Variants in GNAL observed in about 807,000 individuals in gnomAD.
The protein encoded by GNAL is G protein subunit alpha L.
GNAL carries 18 observed loss-of-function variants against 55.1 expected under a neutral mutation model. The observed-to-expected ratio is 0.33, with a 90% CI of 0.23 to 0.48. GNAL has a LOEUF of 0.48. Ranked by LOEUF, GNAL falls within the 20% of genes least tolerant of loss-of-function variation. The pLI is 0.99. For missense variants in GNAL, 412 were observed against 614.1 expected (o/e 0.67, Z 3.48); for synonymous variants, 253 against 237.0 (o/e 1.07, Z -0.62).
intron 1 of GNAL, chr18:11,747,604 A>AGGG: frequency 6.6e-6 from 1 of 150,940 alleles, no homozygotes; most frequent in Admixed American, 6.6e-5. Flanking sequence ...TCTTGTTGTG[A>AGGG]AGGATAGGGG....
intron 5 of GNAL, among the ~76,000 whole-genome samples, chr18:11,847,535 GCC>G (rs1301168618): frequency 6.6e-6 from 1 of 151,860 alleles, no homozygotes; most frequent in African/African-American, 2.4e-5. Flanking sequence ...AGCCAGATGT[GCC>G]AAATGATAGC....
intron 5 of GNAL, among the ~76,000 whole-genome samples, chr18:11,826,140 C>T (rs1468253816): frequency 6.6e-6 from 1 of 152,094 alleles, no homozygotes; most frequent in African/African-American, 2.4e-5. Context: ...CTCCTGCTTA[C>T]TAGGTTCTAC....
At chr18:11,753,060 T>C (rs949178083) in intron 2 of GNAL, 135 bp downstream of exon 2, 1 of 583,996 alleles carries the variant, frequency 1.7e-6, no homozygotes, top group Non-Finnish European at 3.0e-6. Flanking sequence ...AAATTAGATA[T>C]TTGCTGTTGG....
In GNAL at chr18:11,737,678, G is replaced by A. The variant is rs573295957; in HGVS notation, c.377-15175G>A. On this transcript the variant is annotated intron_variant, in intron 1 of 11. Coordinates refer to ENST00000334049, the MANE Select transcript of GNAL (RefSeq NM_182978.4). ...CAGTGCAGGTTTCCATCCGCACAGG[G>A]TCATCTGACCAGAGTAGCCATGGGG... Among the ~76,000 whole-genome samples, 9 of 152,350 alleles carry A rather than the reference G, an allele frequency of 5.9e-5. No homozygotes were observed. The South Asian group carries it at 1.9e-3, about 32-fold the overall frequency.
intron 5 of GNAL, among the ~76,000 whole-genome samples, chr18:11,842,340 A>G (rs576025818): frequency 4.6e-4 from 70 of 152,122 alleles, no homozygotes; most frequent in Non-Finnish European, 9.7e-4. Flanking sequence ...TTTTGGCACC[A>G]GGGACTGGTT....
At position 11,689,631 on chromosome 18, in the gene GNAL, C is replaced by A; in HGVS notation, c.68C>A (p.Ser23Ter). The A allele has an allele frequency of 7.3e-7, 1 of 1,368,286 alleles. No individual in the cohort carries two copies. Among genetic ancestry groups the A allele is most frequent in the South Asian group, 1.8e-5 (1 of 56,654 alleles). The allele number at this position is 1,368,286 out of a possible 1,614,324, so 84.8% of individuals were successfully genotyped here. A position where few individuals can be genotyped will look rare whatever the true frequency, so the allele number is the denominator to read the frequency against. The change falls in exon 1 of 12, where the codon TCG becomes TAG. Residue 23 changes from serine to a stop codon, truncating the protein, a stop_gained. Coordinates refer to ENST00000334049, the MANE Select transcript of GNAL (RefSeq NM_182978.4). LOFTEE classifies it high-confidence loss of function. Reference protein sequence around the residue: ...GGPGDDPCAASEPPVEDAQPA... With the variant: ...GGPGDDPCAA ...CCAGGGGACGACCCCTGCGCGGCCT[C>A]GGAGCCGCCGGTGGAGGACGCGCAG...
intron 1 of GNAL, among the ~76,000 whole-genome samples, chr18:11,723,521 A>G (rs1316755138): frequency 3.9e-5 from 6 of 152,250 alleles, no homozygotes. Flanking sequence ...AAGAACGATA[A>G]CTACCCCCAT....
chr18:11,715,460 C>CAAA (rs34339537), intron 1 of GNAL, among the ~76,000 whole-genome samples: 3 of 67,740 alleles, frequency 4.4e-5, no homozygotes, highest in African/African-American at 1.2e-4. Context: ...GACTCCATCT[C>CAAA]AAAAAAAAAA....
At chr18:11,840,008 C>T (rs923505523) in intron 5 of GNAL, among the ~76,000 whole-genome samples, 2 of 152,146 alleles carry the variant, frequency 1.3e-5, no homozygotes, top group Non-Finnish European at 2.9e-5. Context: ...CATGCATTAG[C>T]GGTTAGAATT....
intron 5 of GNAL, among the ~76,000 whole-genome samples, chr18:11,839,825 G>A (rs1598419498): frequency 6.6e-6 from 1 of 152,228 alleles, no homozygotes; most frequent in African/African-American, 2.4e-5. Flanking sequence ...ATCGTGCATT[G>A]TGTGAGCACT....
intron 9 of GNAL, among the ~76,000 whole-genome samples, chr18:11,869,312 A>C (rs975438786): frequency 1.2e-4 from 18 of 151,442 alleles, no homozygotes; most frequent in Non-Finnish European, 2.5e-4. Context: ...CCCAGCTAAT[A>C]TTTTGTATTT....
chr18:11,834,848 T>TC (rs1210800462), intron 5 of GNAL, among the ~76,000 whole-genome samples: 6 of 152,222 alleles, frequency 3.9e-5, no homozygotes, highest in African/African-American at 1.4e-4. Context: ...GGTTACGTTG[T>TC]CCCCTGTGAG....
intron 4 of GNAL, among the ~76,000 whole-genome samples, chr18:11,803,211 T>G (rs769426323): frequency 5.3e-5 from 8 of 152,196 alleles, no homozygotes; most frequent in African/African-American, 9.7e-5. Context: ...AATGAAACTT[T>G]GTGCTCATGA....
rs1491459397 is a variant in GNAL, at chr18:11,769,119, ATT to A, written c.624+15175_624+15176del. Among the ~76,000 whole-genome samples the A allele has an allele frequency of 1.8e-3, 203 of 112,018 alleles. 18 individuals carry two copies. The East Asian group carries it at 0.034, about 19-fold the overall frequency. The allele number at this position is 112,018 out of a possible 152,430, so 73.5% of individuals were successfully genotyped here. On this transcript the variant is annotated intron_variant, in intron 4 of 11. Transcript: ENST00000334049. ...ATATATTATAATATAGATTATATAA[ATT>A]ATATGTAATATATATTATAATATAG... is the stretch of plus-strand genomic sequence containing the variant.
chr18:11,719,185 G>T (rs567064760), intron 1 of GNAL, among the ~76,000 whole-genome samples: 27 of 152,044 alleles, frequency 1.8e-4, no homozygotes, highest in African/African-American at 6.3e-4. Flanking sequence ...AGTTGAAACT[G>T]TTGTGTCTGA....
chr18:11,691,980 T>C (rs2031263239), intron 1 of GNAL, among the ~76,000 whole-genome samples: 1 of 152,172 alleles, frequency 6.6e-6, no homozygotes, highest in African/African-American at 2.4e-5. Context: ...CTACAACAAT[T>C]AGAAAACATG....
intron 4 of GNAL, among the ~76,000 whole-genome samples, chr18:11,799,102 G>A (rs2034458131): frequency 6.6e-6 from 1 of 150,412 alleles, no homozygotes; most frequent in Admixed American, 6.6e-5. Context: ...AACAGAGCGA[G>A]AGTCTGTCTC....
chr18:11,797,319 T>C (rs2034416633), intron 4 of GNAL, among the ~76,000 whole-genome samples: 1 of 152,244 alleles, frequency 6.6e-6, no homozygotes, highest in African/African-American at 2.4e-5. Context: ...TAAATCTTTT[T>C]TATGATCAGA....
intron 5 of GNAL, among the ~76,000 whole-genome samples, chr18:11,839,467 T>C (rs1482227013): frequency 6.8e-6 from 1 of 146,930 alleles, no homozygotes; most frequent in Non-Finnish European, 1.5e-5. Flanking sequence ...AGCGGGAGGA[T>C]TGCTTGAGTC....
Sources: gnomAD v4.1 joint callset for allele counts (sites outside exome capture counted in the v4.1 genomes callset) on GRCh38, gnomAD v4.1.1 for gene constraint, MANE v1.5 for transcripts, NCBI Gene and HGNC (gene_info 2026-07-23, HGNC 2026-07-21) for gene names.